The following ELAVL1 variants were observed in gnomAD, a reference collection of about 807,000 sequenced individuals.
ELAVL1 encodes ELAV-like protein 1.
In ELAVL1, 1 loss-of-function variant was observed where a neutral mutation model predicts 28.4. The ratio of observed to expected loss-of-function variants is 0.04; its 90% CI spans 0.01 to 0.17. The LOEUF (loss-of-function observed/expected upper bound fraction) is 0.17. Among genes scored for constraint, ELAVL1 ranks in the 10% least tolerant of loss-of-function variants. The pLI, the probability that ELAVL1 is intolerant of heterozygous loss-of-function variation, is 1.00. For synonymous variants in ELAVL1, 174 were observed against 183.5 expected (o/e 0.95, Z 0.42); for missense variants, 157 against 447.2 (o/e 0.35, Z 5.85).
chr19:7,996,183 CTTTT>C (rs35350359), intron 1 of ELAVL1, among the ~76,000 whole-genome samples: 2 of 141,118 alleles, frequency 1.4e-5, no homozygotes, highest in Admixed American at 1.4e-4. Flanking sequence ...ACCCAGAACC[CTTTT>C]TTTTTTTTTT....
chr19:7,981,048 C>T lies in ELAVL1; in HGVS notation c.276+35G>A, dbSNP rs1024454520. The stretch of plus-strand genomic sequence containing the variant: ...GCTCAGCACAGACCTGTGCCCAGGG[C>T]AGGAATGGATGCGGTGGTGATCAGA... On this transcript the variant is annotated intron_variant, in intron 3 of 5. Coordinates refer to ENST00000407627, the MANE Select transcript of ELAVL1 (RefSeq NM_001419.3). The surrounding 1 kb of genome is among the most constrained non-coding windows in gnomAD (Gnocchi z 4.2). The T allele has an allele frequency of 4.4e-6, 7 of 1,604,014 alleles. No homozygotes were observed. The Admixed American group carries it at 1.0e-4, about 23-fold the overall frequency.
Position 8,001,460 on chromosome 19 carries a change from T to C in ELAVL1, c.-17+4035A>G, listed in dbSNP as rs1446807306. ...CTGCTAGACCGACTCCTAAGTGGGATTGCAAACTCAGTGTCTCTAAACCCA... is the reference window on the plus strand; with the variant it reads ...CTGCTAGACCGACTCCTAAGTGGGACTGCAAACTCAGTGTCTCTAAACCCA... On this transcript the variant is annotated intron_variant, in intron 1 of 5. Transcript: ENST00000407627. 2.6e-5 allele frequency among the ~76,000 whole-genome samples: 4 copies of C among 152,208 alleles called. No homozygotes were observed. The East Asian group carries it at 7.7e-4, about 29-fold the overall frequency.
intron 2 of ELAVL1, among the ~76,000 whole-genome samples, chr19:7,987,009 T>A (rs1385976242): frequency 6.6e-6 from 1 of 150,610 alleles, no homozygotes; most frequent in Non-Finnish European, 1.5e-5. Context: ...TGACTCATAT[T>A]AAGAAAAAAG....
At chr19:8,002,454 G>A (rs546754652) in intron 1 of ELAVL1, among the ~76,000 whole-genome samples, 1 of 152,366 alleles carries the variant, frequency 6.6e-6, no homozygotes, top group Admixed American at 6.5e-5. Flanking sequence ...AGCAGGGAGA[G>A]TCGTTCAGAG....
At chr19:8,001,613 A>C (rs1224077178) in intron 1 of ELAVL1, among the ~76,000 whole-genome samples, 1 of 151,590 alleles carries the variant, frequency 6.6e-6, no homozygotes, top group Non-Finnish European at 1.5e-5. Context: ...CCCTGACATA[A>C]ACGTCTCACT....
rs539327686 is a variant in ELAVL1 at position 7,979,052 on chromosome 19, C to A, written c.276+2031G>T. 1.3e-5 allele frequency among the ~76,000 whole-genome samples: 2 copies of A among 152,186 alleles called. No homozygotes were observed. The highest frequency in any genetic ancestry group is 2.9e-5 in the Non-Finnish European group (2 of 68,024). On this transcript the variant is annotated intron_variant, in intron 3 of 5. Transcript: ENST00000407627. The surrounding 1 kb of genome is among the most constrained non-coding windows in gnomAD (Gnocchi z 5.4). ...TGGCCAGGGGCTCAGTAAAGGTTTG[C>A]GGAATGAACACACTTGGAGCACAGA...
chr19:7,980,372 GAAC>G (rs1985424841), intron 3 of ELAVL1, among the ~76,000 whole-genome samples: 1 of 152,164 alleles, frequency 6.6e-6, no homozygotes. Flanking sequence ...AGCTGCCCAC[GAAC>G]CCAGGAGCCA....
intron 4 of ELAVL1, among the ~76,000 whole-genome samples, chr19:7,970,462 A>G (rs1306075441): frequency 2.0e-5 from 3 of 149,252 alleles, no homozygotes; most frequent in African/African-American, 7.4e-5. Flanking sequence ...GCCTATTTTT[A>G]GTACAGATGG....
At chr19:7,969,581 C>T (rs974098279) in intron 4 of ELAVL1, among the ~76,000 whole-genome samples, 6 of 152,198 alleles carry the variant, frequency 3.9e-5, no homozygotes, top group African/African-American at 1.4e-4. Flanking sequence ...CTGACAGATG[C>T]TGTTTTCTTT....
intron 1 of ELAVL1, among the ~76,000 whole-genome samples, chr19:7,997,637 C>A (rs533066785): frequency 2.6e-5 from 4 of 152,256 alleles, no homozygotes; most frequent in Non-Finnish European, 5.9e-5. Flanking sequence ...AATTTTCCTA[C>A]ATGCAAATTT....
rs1985462221 is a variant in ELAVL1 at position 7,981,464 on chromosome 19, C to G, written c.173-278G>C. On this transcript the variant is annotated intron_variant, in intron 2 of 5. Coordinates refer to ENST00000407627, the MANE Select transcript of ELAVL1 (RefSeq NM_001419.3). The surrounding 1 kb of genome is among the most constrained non-coding windows in gnomAD (Gnocchi z 4.2). The stretch of plus-strand genomic sequence containing the variant: ...CCTCAAATTCTTGGGCTCAAGACAG[C>G]CTCCCACCTCAGCCTCCAGAGTATC... Among the ~76,000 whole-genome samples the G allele has an allele frequency of 6.6e-6, 1 of 151,736 alleles. No individual in the cohort carries two copies. The highest frequency in any genetic ancestry group is 1.5e-5 in the Non-Finnish European group (1 of 67,996).
Position 7,991,921 on chromosome 19 carries a change from TTTC to T in ELAVL1, c.-16-93_-16-91del, listed in dbSNP as rs1011132923. 3.8e-6 allele frequency: 4 copies of T among 1,059,072 alleles called. No homozygotes were observed. The African/African-American group carries it at 5.3e-5, about 14-fold the overall frequency. The allele number at this position is 1,059,072 out of a possible 1,614,324, so 65.6% of individuals were successfully genotyped here. On this transcript the variant is annotated intron_variant, in intron 1 of 5. Coordinates refer to ENST00000407627, the MANE Select transcript of ELAVL1 (RefSeq NM_001419.3). Reference sequence around the variant, plus strand: ...AGTAACTGCATTTGCACTTAGAGATTTTCTTTCTTTCTTTTTTTTTTTTTTTGT... The same window carrying T: ...AGTAACTGCATTTGCACTTAGAGATTTTTCTTTCTTTTTTTTTTTTTTTGT...
intron 3 of ELAVL1, among the ~76,000 whole-genome samples, chr19:7,976,217 A>G (rs1476973428): frequency 6.6e-6 from 1 of 151,540 alleles, no homozygotes; most frequent in Non-Finnish European, 1.5e-5. Context: ...CCTGGCTAAC[A>G]TGGTGAAACC....
chr19:7,976,627 T>G (rs1985300588), intron 3 of ELAVL1, among the ~76,000 whole-genome samples: 1 of 152,116 alleles, frequency 6.6e-6, no homozygotes, highest in Admixed American at 6.6e-5. Flanking sequence ...AAACCAACCC[T>G]GCTGACACCT....
chr19:7,962,796 G>C lies in ELAVL1; in HGVS notation c.*687C>G, dbSNP rs566587236. ...CTCTGGAATATACTGGAGTTTCCCTGAAACTCTTTGGTCCATTCCCATTGG... is the reference window on the plus strand; with the variant it reads ...CTCTGGAATATACTGGAGTTTCCCTCAAACTCTTTGGTCCATTCCCATTGG... On this transcript the variant is annotated 3_prime_UTR_variant, in exon 6 of 6. Coordinates refer to ENST00000407627, the MANE Select transcript of ELAVL1 (RefSeq NM_001419.3). The C allele has an allele frequency of 6.5e-6, 1 of 152,838 alleles. No homozygotes were observed. Among genetic ancestry groups the C allele is most frequent in the African/African-American group, 2.4e-5 (1 of 41,592 alleles). The allele number at this position is 152,838 out of a possible 1,614,324, so 9.5% of individuals were successfully genotyped here.
At chr19:7,996,404 A>AG (rs1337848437) in intron 1 of ELAVL1, among the ~76,000 whole-genome samples, 4 of 151,618 alleles carry the variant, frequency 2.6e-5, no homozygotes, top group African/African-American at 9.7e-5. Flanking sequence ...GATGGTCTCC[A>AG]TCTCCTGACC....
At chr19:7,972,786 C>G (rs1985153443) in intron 4 of ELAVL1, 1 of 137,936 alleles carries the variant, frequency 7.2e-6, no homozygotes, top group African/African-American at 2.7e-5. Context: ...GCCACCGCAC[C>G]TGGCTGCAGT....
chr19:7,961,235 T>C lies in ELAVL1; in HGVS notation c.*2248A>G, dbSNP rs1331495032. 6.6e-6 allele frequency: 1 copy of C among 152,278 alleles called. No individual in the cohort carries two copies. The highest frequency in any genetic ancestry group is 1.5e-5 in the Non-Finnish European group (1 of 68,048). 9.4% of individuals were successfully genotyped at this position (152,278 alleles called of 1,614,324 possible). A position where few individuals can be genotyped will look rare whatever the true frequency, so the allele number is the denominator to read the frequency against. On this transcript the variant is annotated 3_prime_UTR_variant, in exon 6 of 6. Coordinates refer to ENST00000407627, the MANE Select transcript of ELAVL1 (RefSeq NM_001419.3). ...AGTTGAAGCTTAAGACAGAGTTCTC[T>C]GTTGAATGCTAGCTATGGGCATGTG...
rs149256473 is a variant in ELAVL1, at chr19:7,977,563, T to G, written c.276+3520A>C. Among the ~76,000 whole-genome samples, 1,337 of 152,332 alleles carry G rather than the reference T, an allele frequency of 8.8e-3. 16 individuals are homozygous for G. Among genetic ancestry groups the G allele is most frequent in the Non-Finnish European group, 0.012 (850 of 68,032 alleles). ...CAGCATCCCAGCAGGGACACTGAGC[T>G]GCATCTGGGACATGCTCAGCCTGTC... is the stretch of plus-strand genomic sequence containing the variant. On this transcript the variant is annotated intron_variant, in intron 3 of 5. Coordinates refer to ENST00000407627, the MANE Select transcript of ELAVL1 (RefSeq NM_001419.3).
Sources: allele counts gnomAD v4.1 joint callset (sites outside exome capture counted in the v4.1 genomes callset), GRCh38; gene constraint gnomAD v4.1.1; non-coding constraint Gnocchi (gnomAD v3.1); transcripts MANE v1.5; gene names NCBI Gene and HGNC (gene_info 2026-07-23, HGNC 2026-07-21).